Variants in IQSEC3 observed in about 807,000 individuals in gnomAD.
The protein encoded by IQSEC3 is IQ motif and Sec7 domain ArfGEF 3, also known as IQ motif and SEC7 domain-containing protein 3.
Under a neutral mutation model 105.4 loss-of-function variants are expected in IQSEC3, and 50 were observed. The observed-to-expected ratio is 0.47, with a 90% CI of 0.38 to 0.60. The LOEUF (loss-of-function observed/expected upper bound fraction) is 0.60. IQSEC3 is among the 20% of genes least tolerant of loss of function. IQSEC3 has a pLI of 0.00. For synonymous variants in IQSEC3, 708 were observed against 746.0 expected (o/e 0.95, Z 0.83); for missense variants, 1,415 against 1,630.0 (o/e 0.87, Z 2.27).
At chr12:93,316 AG>A (rs1316792718) in intron 1 of IQSEC3, among the ~76,000 whole-genome samples, 3 of 152,186 alleles carry the variant, frequency 2.0e-5, no homozygotes, top group Non-Finnish European at 4.4e-5. Context: ...GGACAGAAGC[AG>A]GTTGTGCCCA....
intron 1 of IQSEC3, among the ~76,000 whole-genome samples, chr12:87,533 T>C (rs781929117): frequency 3.3e-5 from 5 of 152,160 alleles, no homozygotes; most frequent in Non-Finnish European, 7.3e-5. Flanking sequence ...AGAACCCAGA[T>C]GACAGCAAGT....
At chr12:127,299 T>C (rs1193434562) in intron 3 of IQSEC3, among the ~76,000 whole-genome samples, 1 of 151,908 alleles carries the variant, frequency 6.6e-6, no homozygotes, top group Admixed American at 6.6e-5. Flanking sequence ...GGCGGGTGGA[T>C]CACGAGGCCA....
At position 125,721 on chromosome 12, in the gene IQSEC3, GC is replaced by G; in HGVS notation, c.716del (p.Pro239ArgfsTer59). On this transcript the variant is annotated frameshift_variant, in exon 3 of 14. Coordinates refer to ENST00000538872, the MANE Select transcript of IQSEC3 (RefSeq NM_001170738.2). LOFTEE classifies it high-confidence loss of function. ...GGCAGCCGGCAGACCCAGTGCCCAT[GC>G]CCCGAAGGCTCAAGCCCAGGAGCTG... ...AVAAGRPSAH[A>X]PKAQAQELQE... is the part of the protein sequence containing the mutation. The G allele has an allele frequency of 6.5e-7, 1 of 1,531,372 alleles. No homozygotes were observed. The highest frequency in any genetic ancestry group is 8.7e-7 in the Non-Finnish European group (1 of 1,149,158). The allele number at this position is 1,531,372 out of a possible 1,614,324, so 94.9% of individuals were successfully genotyped here.
chr12:133,927 G>A (rs1433152561), intron 3 of IQSEC3, among the ~76,000 whole-genome samples: 1 of 151,956 alleles, frequency 6.6e-6, no homozygotes, highest in African/African-American at 2.4e-5. Context: ...GAGTGAGGCA[G>A]AGGTTATTGT....
intron 3 of IQSEC3, among the ~76,000 whole-genome samples, chr12:136,392 T>A (rs1230776958): frequency 5.9e-5 from 9 of 152,146 alleles, no homozygotes; most frequent in Non-Finnish European, 1.5e-5. Flanking sequence ...CTACCTCTGC[T>A]AGCGTGGAAT....
chr12:157,722 G>A (rs1555094930), intron 7 of IQSEC3, 28 bp downstream of exon 7: 57 of 1,600,186 alleles, frequency 3.6e-5, no homozygotes, highest in Non-Finnish European at 4.8e-5. Context: ...GGGGCAGGAG[G>A]GGCAAGGCCA....
At chr12:108,608 TCTC>T (rs1197878814) in intron 2 of IQSEC3, among the ~76,000 whole-genome samples, 5 of 152,232 alleles carry the variant, frequency 3.3e-5, no homozygotes, top group African/African-American at 1.2e-4. Context: ...ACCTGCTTAT[TCTC>T]CTCTCATTTC....
Position 138,375 on chromosome 12 carries a change from A to C in IQSEC3, c.1012A>C (p.Ile338Leu). Residue 338 changes from isoleucine to leucine, a missense_variant, in exon 4 of 14, where the codon ATC (isoleucine) becomes CTC (leucine). Ile to Leu is a conservative substitution (Grantham distance 5). Coordinates refer to ENST00000538872, the MANE Select transcript of IQSEC3 (RefSeq NM_001170738.2). This position sits in a 1 kb window ranked among gnomAD's most constrained non-coding sequence, Gnocchi z 7.1. Reference sequence around the variant, plus strand: ...CCAGCTCAGCAAGAACTTCGAGAAAATCCGCAACTCGCTTCTGGAGAGCCG... The same window carrying C: ...CCAGCTCAGCAAGAACTTCGAGAAACTCCGCAACTCGCTTCTGGAGAGCCG... The part of the protein sequence containing the change: ...QYQLSKNFEK[I>L]RNSLLESRLP... 1 of 1,612,636 alleles carries C rather than the reference A, an allele frequency of 6.2e-7. No individual in the cohort carries two copies. Among genetic ancestry groups the C allele is most frequent in the Non-Finnish European group, 8.5e-7 (1 of 1,179,960 alleles).
chr12:110,291 G>A (rs1555079224), intron 2 of IQSEC3, among the ~76,000 whole-genome samples: 1 of 151,992 alleles, frequency 6.6e-6, no homozygotes, highest in East Asian at 1.9e-4. Flanking sequence ...AGTAATATCA[G>A]GCCAGCTTTT....
rs530641930 is a variant in IQSEC3, at chr12:175,358, C to T, written c.*325C>T. 1.6e-5 allele frequency: 5 copies of T among 312,696 alleles called. No homozygotes were observed. Among genetic ancestry groups the T allele is most frequent in the African/African-American group, 8.5e-5 (4 of 46,810 alleles). The allele number at this position is 312,696 out of a possible 1,614,324, so 19.4% of individuals were successfully genotyped here. ...TGAAGAAAACGAGCTGAGGGTCTAA[C>T]GAGCTTGCAGGCTTTGAGTCTGTTA... On this transcript the variant is annotated 3_prime_UTR_variant, in exon 14 of 14. Coordinates refer to ENST00000538872, the MANE Select transcript of IQSEC3 (RefSeq NM_001170738.2).
At chr12:153,214 A>G (rs1323345992) in intron 5 of IQSEC3, among the ~76,000 whole-genome samples, 1 of 152,092 alleles carries the variant, frequency 6.6e-6, no homozygotes, top group African/African-American at 2.4e-5. Context: ...CCCTGGAATG[A>G]GCAGGGCTTA....
chr12:151,945 T>G (rs1229940276), intron 5 of IQSEC3, among the ~76,000 whole-genome samples: 5 of 151,974 alleles, frequency 3.3e-5, no homozygotes, highest in African/African-American at 9.7e-5. Context: ...CAATATAAAA[T>G]ATATCTCCTT....
Position 175,030 on chromosome 12 carries a change from G to A in IQSEC3, c.3546G>A (p.Val1182=), listed in dbSNP as rs189467547. The A allele has an allele frequency of 1.1e-3, 1,680 of 1,529,994 alleles. 2 individuals are homozygous for A. Among genetic ancestry groups the A allele is most frequent in the Admixed American group, 1.5e-3 (85 of 55,010 alleles). 94.8% of individuals were successfully genotyped at this position (1,529,994 alleles called of 1,614,324 possible). A position where few individuals can be genotyped will look rare whatever the true frequency, so the allele number is the denominator to read the frequency against. The part of the protein sequence containing the change: ...HRYSSGSRSL[V] Reference sequence around the variant, plus strand: ...ACTCCAGTGGCTCAAGGAGCCTGGTGTAGACTCTGCCCCACCACCCTGCTG... The same window carrying A: ...ACTCCAGTGGCTCAAGGAGCCTGGTATAGACTCTGCCCCACCACCCTGCTG... The change falls in exon 14 of 14, where the codon GTG becomes GTA. Residue 1182 remains valine (V), a synonymous_variant. Transcript: ENST00000538872.
chr12:141,488 G>A, intron 5 of IQSEC3: 1 of 554,636 alleles, frequency 1.8e-6, no homozygotes, highest in Non-Finnish European at 3.1e-6. Flanking sequence ...CATTGATTGA[G>A]TTCGCCCCAG....
intron 1 of IQSEC3, among the ~76,000 whole-genome samples, chr12:72,144 G>A (rs1481394349): frequency 6.6e-6 from 1 of 152,238 alleles, no homozygotes; most frequent in African/African-American, 2.4e-5. Flanking sequence ...CCAATGCAGT[G>A]AATGCCATAG....
intron 2 of IQSEC3, among the ~76,000 whole-genome samples, chr12:107,522 G>A (rs1031573387): frequency 4.9e-5 from 7 of 143,100 alleles, no homozygotes; most frequent in Non-Finnish European, 9.0e-5. Flanking sequence ...CCATTCTCCT[G>A]CCTCAGCCTC....
chr12:133,286 T>C (rs1865656505), intron 3 of IQSEC3, among the ~76,000 whole-genome samples: 1 of 152,160 alleles, frequency 6.6e-6, no homozygotes, highest in Admixed American at 6.5e-5. Context: ...ACGGGGAAAA[T>C]TAAAACGTGT....
chr12:72,696 A>T (rs1863365673), intron 1 of IQSEC3, among the ~76,000 whole-genome samples: 1 of 96,710 alleles, frequency 1.0e-5, no homozygotes, highest in Admixed American at 1.1e-4. Context: ...GCTTATTTCC[A>T]TGGAAGAAAG....
At chr12:117,850 G>T (rs1299092548) in intron 2 of IQSEC3, among the ~76,000 whole-genome samples, 1 of 152,210 alleles carries the variant, frequency 6.6e-6, no homozygotes, top group East Asian at 1.9e-4. Context: ...CTGCCCTCCT[G>T]CAGGGGCTTC....
Sources: gnomAD v4.1 joint callset for allele counts (sites outside exome capture counted in the v4.1 genomes callset) on GRCh38, gnomAD v4.1.1 for gene constraint, Gnocchi (gnomAD v3.1) non-coding constraint, MANE v1.5 for transcripts, NCBI Gene and HGNC (gene_info 2026-07-23, HGNC 2026-07-21) for gene names.